The following LRPPRC variants were observed in gnomAD, a reference collection of about 807,000 sequenced individuals.
The protein encoded by LRPPRC is leucine rich pentatricopeptide repeat containing, also known as leucine-rich PPR motif-containing protein, mitochondrial.
LRPPRC carries 120 observed loss-of-function variants against 180.3 expected under a neutral mutation model. The ratio of observed to expected loss-of-function variants is 0.67; its 90% CI spans 0.57 to 0.77. LRPPRC has a LOEUF of 0.77. Ranked by LOEUF, LRPPRC falls within the 30% of genes least tolerant of loss-of-function variation. The pLI, the probability that LRPPRC is intolerant of heterozygous loss-of-function variation, is 0.00. For missense variants in LRPPRC, 2,012 were observed against 1,657.2 expected, an observed-to-expected ratio of 1.21 and a Z score of -3.72; for synonymous variants, 723 against 600.0, an observed-to-expected ratio of 1.21 and a Z score of -3.00.
intron 23 of LRPPRC, among the ~76,000 whole-genome samples, chr2:43,937,936 T>A (rs1672333344): frequency 1.3e-5 from 2 of 152,170 alleles, no homozygotes; most frequent in South Asian, 4.1e-4. Context: ...AAGTGATCTG[T>A]GAATTTCTTT....
chr2:43,930,302 T>C (rs11124952), intron 25 of LRPPRC, among the ~76,000 whole-genome samples: 23,797 of 151,938 alleles, frequency 0.16, 1,944 homozygotes, highest in South Asian at 0.24. Flanking sequence ...AGTTCAGATA[T>C]TGAGGGGTCA....
Position 43,899,287 on chromosome 2 carries a change from G to A in LRPPRC, c.3757C>T (p.Pro1253Ser). Reference protein sequence around the residue: ...RLANQFAIYKPVTDFFLQLVD... With the variant: ...RLANQFAIYKSVTDFFLQLVD... The stretch of plus-strand genomic sequence containing the variant: ...AGTTGAAGGAAAAAATCAGTGACAG[G>A]TTTATAAATTGCAAACTGATTGGCC... Residue 1253 changes from proline (P) to serine (S), a missense_variant, in exon 34 of 38, where the codon CCT (proline) becomes TCT (serine). Physicochemically the swap from Pro to Ser is moderately conservative, Grantham distance 74. Coordinates refer to ENST00000260665, the MANE Select transcript of LRPPRC (RefSeq NM_133259.4). The A allele has an allele frequency of 1.2e-6, 2 of 1,614,126 alleles. No individual in the cohort carries two copies. Among genetic ancestry groups the A allele is most frequent in the Non-Finnish European group, 1.7e-6 (2 of 1,179,998 alleles).
At chr2:43,969,519 T>TC (rs1673711571) in intron 11 of LRPPRC, among the ~76,000 whole-genome samples, 1 of 152,084 alleles carries the variant, frequency 6.6e-6, no homozygotes, top group African/African-American at 2.4e-5. Flanking sequence ...GAACTGGGAT[T>TC]AAGTCCTTGT....
In LRPPRC at chr2:43,971,611, AT is replaced by A. The variant is rs1046703626; in HGVS notation, c.1369+1995del. 1.2e-3 allele frequency among the ~76,000 whole-genome samples: 177 copies of A among 146,936 alleles called. 1 individual carries two copies. The highest frequency in any genetic ancestry group is 4.6e-3 in the African/African-American group (176 of 38,642). On this transcript the variant is annotated intron_variant, in intron 11 of 37. Coordinates refer to ENST00000260665, the MANE Select transcript of LRPPRC (RefSeq NM_133259.4). ...TTTGTCTGATCCCCAAATATCTTTG[AT>A]TTTCTGAAGAGATGTATTTATTCCT...
chr2:43,991,664 C>A (rs752306841), intron 1 of LRPPRC, among the ~76,000 whole-genome samples: 12 of 152,068 alleles, frequency 7.9e-5, no homozygotes, highest in Non-Finnish European at 1.8e-4. Flanking sequence ...AGCTGGTTTT[C>A]CAGAAAGCAT....
At chr2:43,958,367 T>A (rs1046543663) in intron 13 of LRPPRC, among the ~76,000 whole-genome samples, 3 of 152,168 alleles carry the variant, frequency 2.0e-5, no homozygotes, top group Non-Finnish European at 4.4e-5. Flanking sequence ...ACAGTTTAAG[T>A]GAAGGTTAAG....
rs758885392 is a variant in LRPPRC, at chr2:43,900,883, GGA to G, written c.3569+435_3569+436del. 5.9e-5 allele frequency among the ~76,000 whole-genome samples: 9 copies of G among 152,176 alleles called. No individual in the cohort carries two copies. In the South Asian group the frequency reaches 1.9e-3, roughly 32 times the overall value. On this transcript the variant is annotated intron_variant, in intron 32 of 37. Coordinates refer to ENST00000260665, the MANE Select transcript of LRPPRC (RefSeq NM_133259.4). Reference sequence around the variant, plus strand: ...AAATACCTCCCTTTTTGTGGGGGTGGGAGAGTGTTCACGGGGTGGGTAAGGAA... The same window carrying G: ...AAATACCTCCCTTTTTGTGGGGGTGGGAGTGTTCACGGGGTGGGTAAGGAA...
chr2:43,933,798 T>A (rs1672175910), intron 25 of LRPPRC, among the ~76,000 whole-genome samples: 1 of 152,198 alleles, frequency 6.6e-6, no homozygotes, highest in Non-Finnish European at 1.5e-5. Context: ...TACAAATAAA[T>A]CTTGAGCATG....
intron 29 of LRPPRC, among the ~76,000 whole-genome samples, chr2:43,915,551 G>A (rs1030391415): frequency 6.6e-6 from 1 of 152,018 alleles, no homozygotes; most frequent in Non-Finnish European, 1.5e-5. Flanking sequence ...GGGCGTGGTG[G>A]TGTGCGCCTG....
chr2:43,942,832 T>G (rs1187345021), intron 23 of LRPPRC, among the ~76,000 whole-genome samples: 1 of 152,142 alleles, frequency 6.6e-6, no homozygotes, highest in African/African-American at 2.4e-5. Flanking sequence ...AAATCTAAAT[T>G]AGTATCTTTT....
At chr2:43,991,833 T>C (rs1332669591) in intron 1 of LRPPRC, among the ~76,000 whole-genome samples, 1 of 152,238 alleles carries the variant, frequency 6.6e-6, no homozygotes, top group East Asian at 1.9e-4. Flanking sequence ...AATAGGACAT[T>C]CCTGGAAATC....
Position 43,991,762 on chromosome 2 carries a change from A to C in LRPPRC, c.149+4037T>G, listed in dbSNP as rs116617480. ...AAAAGGATATACTTCTTGGTGCTACAATTTTGAAAACAGATTACTAATGTC... is the reference window on the plus strand; with the variant it reads ...AAAAGGATATACTTCTTGGTGCTACCATTTTGAAAACAGATTACTAATGTC... On this transcript the variant is annotated intron_variant, in intron 1 of 37. Transcript: ENST00000260665. 3.2e-3 allele frequency among the ~76,000 whole-genome samples: 495 copies of C among 152,334 alleles called. 8 individuals are homozygous for C. The highest frequency in any genetic ancestry group is 0.011 in the African/African-American group (472 of 41,580).
rs1572570785 is a variant in LRPPRC at position 43,977,208 on chromosome 2, A to C, written c.538T>G (p.Ser180Ala). The C allele has an allele frequency of 1.2e-6, 2 of 1,605,994 alleles. No individual in the cohort carries two copies. Among genetic ancestry groups the C allele is most frequent in the East Asian group, 4.5e-5 (2 of 44,770 alleles). Residue 180 changes from serine (S) to alanine (A), a missense_variant, in exon 4 of 38, where the codon TCA becomes GCA. Ser to Ala is a moderately conservative substitution (Grantham distance 99, BLOSUM62 1). Coordinates refer to ENST00000260665, the MANE Select transcript of LRPPRC (RefSeq NM_133259.4). ...KVYLQNEYKF[S>A]PTDFLAKMEE... The stretch of plus-strand genomic sequence containing the variant: ...ATTTTTGCCAGGAAATCAGTTGGTG[A>C]GAATTTATATTCATTTTGAAGATAG...
At chr2:43,898,844 A>C (rs576750868) in intron 34 of LRPPRC, among the ~76,000 whole-genome samples, 1 of 152,214 alleles carries the variant, frequency 6.6e-6, no homozygotes, top group South Asian at 2.1e-4. Flanking sequence ...GACGCACAGT[A>C]TCTAGCGCAT....
rs567646708 is a variant in LRPPRC at position 43,928,762 on chromosome 2, T to C, written c.2737-2801A>G. On this transcript the variant is annotated intron_variant, in intron 25 of 37. Coordinates refer to ENST00000260665, the MANE Select transcript of LRPPRC (RefSeq NM_133259.4). ...GGGCAACACAGTGTGACCCCATCTCTTAAAAAAAAAAGAAAACAACATCCC... is the reference window on the plus strand; with the variant it reads ...GGGCAACACAGTGTGACCCCATCTCCTAAAAAAAAAAGAAAACAACATCCC... 3.3e-4 allele frequency among the ~76,000 whole-genome samples: 50 copies of C among 151,600 alleles called. No individual in the cohort carries two copies. The South Asian group carries it at 8.7e-3, about 27-fold the overall frequency.
intron 31 of LRPPRC, chr2:43,903,371 T>C (rs1432260710): frequency 1.3e-5 from 2 of 152,248 alleles, no homozygotes; most frequent in Admixed American, 1.3e-4. Context: ...TAATCGGCTT[T>C]ATTTTTTCTT....
intron 34 of LRPPRC, among the ~76,000 whole-genome samples, chr2:43,897,215 A>C (rs987242023): frequency 6.6e-6 from 1 of 152,172 alleles, no homozygotes; most frequent in Non-Finnish European, 1.5e-5. Flanking sequence ...CAATCTCTCT[A>C]TTTTATAAAA....
chr2:43,944,922 T>A (rs1672622750), intron 22 of LRPPRC, among the ~76,000 whole-genome samples: 1 of 152,120 alleles, frequency 6.6e-6, no homozygotes, highest in South Asian at 2.1e-4. Flanking sequence ...CAAAGACTAC[T>A]GCAAAATTCA....
intron 11 of LRPPRC, among the ~76,000 whole-genome samples, chr2:43,968,577 T>C (rs1418522230): frequency 6.6e-6 from 1 of 152,156 alleles, no homozygotes; most frequent in Admixed American, 6.5e-5. Context: ...CTTCTCTACA[T>C]AAAGAAAGCT....
Sources: gnomAD v4.1 joint callset for allele counts (sites outside exome capture counted in the v4.1 genomes callset) on GRCh38, gnomAD v4.1.1 for gene constraint, MANE v1.5 for transcripts, NCBI Gene and HGNC (gene_info 2026-07-23, HGNC 2026-07-21) for gene names.